The following NHS variants were observed in gnomAD, a reference collection of about 807,000 sequenced individuals.
The protein encoded by NHS is NHS actin remodeling regulator, also known as actin remodeling regulator NHS.
NHS carries 5 observed loss-of-function variants against 72.5 expected under a neutral mutation model. That is an observed-to-expected ratio of 0.07 (90% CI 0.04 to 0.14). The LOEUF (loss-of-function observed/expected upper bound fraction) is 0.14, where lower values mean the gene tolerates loss of function less well. Ranked by LOEUF, NHS falls within the 10% of genes least tolerant of loss-of-function variation. The pLI is 1.00. For synonymous variants in NHS, 464 were observed against 547.7 expected (o/e 0.85, Z 2.13); for missense variants, 1,072 against 1,355.7 (o/e 0.79, Z 3.29).
intron 5 of NHS, 72 bp from the exon 6 acceptor site, chrX:17,724,227 T>C: frequency 8.5e-7 from 1 of 1,174,341 alleles, no homozygotes; most frequent in Non-Finnish European, 1.2e-6. Context: ...GTCAAAAATA[T>C]CACTGTGTTC....
chrX:17,621,664 T>C (rs987989759), intron 1 of NHS, among the ~76,000 whole-genome samples: 1 of 111,718 alleles, frequency 9.0e-6, no homozygotes, highest in African/African-American at 3.3e-5. Flanking sequence ...GCTTTTATCC[T>C]CAGAGATCTT....
intron 1 of NHS, among the ~76,000 whole-genome samples, chrX:17,569,170 A>G (rs1288804598): frequency 9.0e-6 from 1 of 111,723 alleles, no homozygotes; most frequent in Non-Finnish European, 1.9e-5. Context: ...TAATCCTTTG[A>G]GTATATGCCC....
At chrX:17,395,653 G>A (rs1198634326) in intron 1 of NHS, among the ~76,000 whole-genome samples, 1 of 111,527 alleles carries the variant, frequency 9.0e-6, no homozygotes, top group East Asian at 2.8e-4. Context: ...TATTCAGATA[G>A]GCCAAGATGA....
intron 1 of NHS, among the ~76,000 whole-genome samples, chrX:17,684,708 C>T (rs1020229558): frequency 1.8e-5 from 2 of 111,563 alleles, no homozygotes; most frequent in African/African-American, 3.3e-5. Flanking sequence ...GAGTACAGAC[C>T]GTAAAACCCT....
chrX:17,714,594 G>T (rs1003206999), intron 3 of NHS, among the ~76,000 whole-genome samples: 4 of 112,491 alleles, frequency 3.6e-5, no homozygotes, highest in Non-Finnish European at 7.5e-5. Context: ...CTCTAGAAGA[G>T]AATTTTTGTT....
intron 3 of NHS, among the ~76,000 whole-genome samples, chrX:17,718,804 G>T (rs2066384716): frequency 1.2e-5 from 1 of 86,133 alleles, no homozygotes; most frequent in African/African-American, 4.4e-5. Context: ...AGGAAGGAAG[G>T]GGGAAGGAGG....
At chrX:17,421,226 CGT>C (rs773736556) in intron 1 of NHS, among the ~76,000 whole-genome samples, 48 of 99,572 alleles carry the variant, frequency 4.8e-4, no homozygotes, top group South Asian at 1.0e-3. Flanking sequence ...AGCAGCTCTA[CGT>C]GTGTGTGTGT....
chrX:17,648,550 T>C (rs1388908684), intron 1 of NHS, among the ~76,000 whole-genome samples: 2 of 112,587 alleles, frequency 1.8e-5, no homozygotes, highest in African/African-American at 6.5e-5. Context: ...AAATCTACCG[T>C]AATAACGAAG....
intron 1 of NHS, among the ~76,000 whole-genome samples, chrX:17,451,669 C>T (rs185085953): frequency 4.9e-4 from 55 of 111,892 alleles, no homozygotes; most frequent in Non-Finnish European, 8.1e-4. Flanking sequence ...ATTCTCCCCC[C>T]AAATGGTCTA....
intron 1 of NHS, among the ~76,000 whole-genome samples, chrX:17,532,919 C>T (rs918174843): frequency 4.5e-5 from 5 of 112,010 alleles, no homozygotes; most frequent in African/African-American, 1.6e-4. Context: ...CCAGTAGAGC[C>T]ATGGGGAGGA....
chrX:17,666,776 C>A, intron 1 of NHS, among the ~76,000 whole-genome samples: 1 of 112,480 alleles, frequency 8.9e-6, no homozygotes, highest in East Asian at 2.8e-4. Flanking sequence ...AATAAAAGTT[C>A]TCTTCCTTCC....
intron 1 of NHS, among the ~76,000 whole-genome samples, chrX:17,678,443 C>T (rs2066100485): frequency 9.0e-6 from 1 of 111,619 alleles, no homozygotes; most frequent in Non-Finnish European, 1.9e-5. Flanking sequence ...GCATCTGTTC[C>T]TGGGGAGGCC....
rs1288572374 is a variant in NHS at position 17,615,154 on chromosome X, A to G, written c.566-72588A>G. On this transcript the variant is annotated intron_variant, in intron 1 of 8. Transcript: ENST00000676302. ...CATATGTGTGTATATATATACGTGT[A>G]TATATACTATATATATACGTATATA... Among the ~76,000 whole-genome samples, 4 of 58,240 alleles carry G rather than the reference A, an allele frequency of 6.9e-5. No homozygotes were observed. The East Asian group carries it at 3.2e-3, about 47-fold the overall frequency. The allele number at this position is 58,240 out of a possible 115,157, so 50.6% of individuals were successfully genotyped here.
chrX:17,685,162 C>T (rs756196144), intron 1 of NHS, among the ~76,000 whole-genome samples: 1 of 111,486 alleles, frequency 9.0e-6, no homozygotes, highest in African/African-American at 3.3e-5. Flanking sequence ...GGCTGTCTGC[C>T]TGCCTCTAGT....
At position 17,732,332 on chromosome X, in the gene NHS, T is replaced by C. The variant is rs774728754; in HGVS notation, c.4824T>C (p.Pro1608=). The C allele has an allele frequency of 1.8e-5, 22 of 1,211,320 alleles. No homozygotes were observed. The highest frequency in any genetic ancestry group is 2.5e-5 in the Non-Finnish European group (22 of 895,514). ...GGGTTGGACGTTCTCGGGCCCCTCC[T>C]GCAGCCAGCAGCAGCCGCTACAGTG... is the stretch of plus-strand genomic sequence containing the variant. ...SARVGRSRAP[P]AASSSRYSVR... is the part of the protein sequence containing the mutation. The change falls in exon 9 of 9, where the codon CCT becomes CCC. Residue 1608 remains proline, a synonymous_variant. Transcript: ENST00000676302.
At chrX:17,460,780 A>T (rs1289330759) in intron 1 of NHS, among the ~76,000 whole-genome samples, 1 of 111,943 alleles carries the variant, frequency 8.9e-6, no homozygotes, top group Non-Finnish European at 1.9e-5. Flanking sequence ...TGTTATATAG[A>T]TAGGGTGCTT....
intron 3 of NHS, among the ~76,000 whole-genome samples, chrX:17,702,604 T>C (rs1463311030): frequency 9.0e-6 from 1 of 111,297 alleles, no homozygotes; most frequent in Non-Finnish European, 1.9e-5. Flanking sequence ...GGAGAATCGC[T>C]GGAACCTGGG....
intron 3 of NHS, among the ~76,000 whole-genome samples, chrX:17,698,955 T>G (rs1393723499): frequency 9.0e-6 from 1 of 111,586 alleles, no homozygotes; most frequent in Admixed American, 9.5e-5. Flanking sequence ...TATATATATC[T>G]AATGTTAGAG....
intron 1 of NHS, among the ~76,000 whole-genome samples, chrX:17,504,992 G>C (rs2065050274): frequency 9.0e-6 from 1 of 110,750 alleles, no homozygotes; most frequent in Non-Finnish European, 1.9e-5. Context: ...ATTTCAGAAA[G>C]GTTTTATTCA....
Sources: allele counts gnomAD v4.1 joint callset (sites outside exome capture counted in the v4.1 genomes callset), GRCh38; gene constraint gnomAD v4.1.1; transcripts MANE v1.5; gene names NCBI Gene and HGNC (gene_info 2026-07-23, HGNC 2026-07-21).